Variants in WDR41 observed in about 807,000 individuals in gnomAD.
WDR41 encodes the protein WD repeat-containing protein 41.
WDR41 carries 63 observed loss-of-function variants against 69.3 expected under a neutral mutation model. The ratio of observed to expected loss-of-function variants is 0.91; its 90% CI spans 0.74 to 1.12. The LOEUF (loss-of-function observed/expected upper bound fraction) is 1.12. Among genes scored for constraint, WDR41 ranks in the 50% most tolerant of loss-of-function variants. The probability of loss-of-function intolerance (pLI) is 0.00; values close to 1 mark genes in which losing one functional copy is unlikely to be tolerated. For synonymous variants in WDR41, 185 were observed against 192.1 expected (o/e 0.96, Z 0.31); for missense variants, 543 against 534.5 (o/e 1.02, Z -0.16).
At chr5:77,434,774 CT>C (rs1223657957) in intron 12 of WDR41, among the ~76,000 whole-genome samples, 1 of 152,094 alleles carries the variant, frequency 6.6e-6, no homozygotes, top group Non-Finnish European at 1.5e-5. Flanking sequence ...GCTGGAGATG[CT>C]TTTTAAAAGT....
chr5:77,612,456 G>C (rs1328078793), intron 1 of WDR41, among the ~76,000 whole-genome samples: 1 of 152,114 alleles, frequency 6.6e-6, no homozygotes, highest in Non-Finnish European at 1.5e-5. Context: ...TGATCAAGTG[G>C]GCTTCATTCC....
chr5:77,441,113 T>TA, intron 8 of WDR41, 116 bp from the exon 9 acceptor site: 1 of 1,073,036 alleles, frequency 9.3e-7, no homozygotes, highest in Non-Finnish European at 1.3e-6. Context: ...AACAGTGAGG[T>TA]ACCTAGGCAA....
Position 77,450,278 on chromosome 5 carries a change from G to C in WDR41, c.587-408C>G, listed in dbSNP as rs1004304642. Among the ~76,000 whole-genome samples, 10 of 152,164 alleles carry C rather than the reference G, an allele frequency of 6.6e-5. 1 individual carries two copies. Among genetic ancestry groups the C allele is most frequent in the Admixed American group, 6.6e-4 (10 of 15,264 alleles). ...TCATGTAAGCATTGCGACAGAATAA[G>C]CTGCAAATCCAAGTTTAACTTCAAC... On this transcript the variant is annotated intron_variant, in intron 7 of 12. Coordinates refer to ENST00000296679, the MANE Select transcript of WDR41 (RefSeq NM_018268.4).
chr5:77,517,338 C>T (rs556200514), intron 1 of WDR41, among the ~76,000 whole-genome samples: 20 of 152,124 alleles, frequency 1.3e-4, no homozygotes, highest in Middle Eastern at 3.4e-3. Flanking sequence ...CAACTTCTAA[C>T]CAGAGCTTAC....
At chr5:77,529,554 T>A (rs1802496560) in intron 1 of WDR41, among the ~76,000 whole-genome samples, 1 of 151,638 alleles carries the variant, frequency 6.6e-6, no homozygotes, top group African/African-American at 2.4e-5. Flanking sequence ...AGTGCCAAGA[T>A]TAGCCAAGAC....
At chr5:77,540,863 G>A (rs1176120130) in intron 1 of WDR41, among the ~76,000 whole-genome samples, 7 of 152,148 alleles carry the variant, frequency 4.6e-5, no homozygotes, top group Admixed American at 4.6e-4. Flanking sequence ...ACTAATGAAG[G>A]TGATATTTTG....
intron 1 of WDR41, among the ~76,000 whole-genome samples, chr5:77,497,640 T>C (rs1298954824): frequency 6.6e-6 from 1 of 151,792 alleles, no homozygotes; most frequent in Non-Finnish European, 1.5e-5. Context: ...TCCTTGTGCA[T>C]CGTTAATAGA....
chr5:77,533,735 A>G (rs1212762604), intron 1 of WDR41, among the ~76,000 whole-genome samples: 1 of 152,164 alleles, frequency 6.6e-6, no homozygotes, highest in Non-Finnish European at 1.5e-5. Flanking sequence ...AAAATAATAT[A>G]CTAATATTGT....
In WDR41 at chr5:77,431,457, C is replaced by T. The variant is rs1381915860; in HGVS notation, c.*1678G>A. 1 of 152,066 alleles carries T rather than the reference C, an allele frequency of 6.6e-6. No individual in the cohort carries two copies. The highest frequency in any genetic ancestry group is 1.9e-4 in the East Asian group (1 of 5,190). 9.4% of individuals were successfully genotyped at this position (152,066 alleles called of 1,614,324 possible). On this transcript the variant is annotated 3_prime_UTR_variant, in exon 13 of 13. Coordinates refer to ENST00000296679, the MANE Select transcript of WDR41 (RefSeq NM_018268.4). The stretch of plus-strand genomic sequence containing the variant: ...ACAAGTTTTATAGGCACTGGGAAAC[C>T]AAAAACTAGATGTGACTCACTCTAT...
chr5:77,589,835 A>G (rs1267673760), intron 1 of WDR41, among the ~76,000 whole-genome samples: 1 of 152,162 alleles, frequency 6.6e-6, no homozygotes, highest in Non-Finnish European at 1.5e-5. Context: ...GCCATATAGC[A>G]CTAGCTAAGA....
intron 1 of WDR41, among the ~76,000 whole-genome samples, chr5:77,585,627 G>T (rs886544318): frequency 5.3e-5 from 8 of 152,142 alleles, no homozygotes; most frequent in African/African-American, 1.9e-4. Flanking sequence ...CATATACAAT[G>T]GAATACCACG....
intron 1 of WDR41, among the ~76,000 whole-genome samples, chr5:77,586,239 T>C (rs775063053): frequency 2.6e-5 from 4 of 152,136 alleles, no homozygotes; most frequent in Admixed American, 1.3e-4. Flanking sequence ...GGGTAAATTG[T>C]ATAGTCTGTT....
chr5:77,470,745 G>A (rs953422146), intron 2 of WDR41, among the ~76,000 whole-genome samples: 1 of 152,156 alleles, frequency 6.6e-6, no homozygotes, highest in African/African-American at 2.4e-5. Context: ...AAATATATAT[G>A]CACCCAATAC....
chr5:77,613,405 C>T (rs1744606670), intron 1 of WDR41, among the ~76,000 whole-genome samples: 1 of 152,132 alleles, frequency 6.6e-6, no homozygotes, highest in Non-Finnish European at 1.5e-5. Context: ...TACTACAAGG[C>T]TACAGTAACC....
At chr5:77,472,521 A>T (rs1241453619) in intron 2 of WDR41, among the ~76,000 whole-genome samples, 1 of 151,784 alleles carries the variant, frequency 6.6e-6, no homozygotes, top group Non-Finnish European at 1.5e-5. Context: ...ATATCTAGAA[A>T]ACCCCATTGT....
intron 2 of WDR41, among the ~76,000 whole-genome samples, chr5:77,487,131 T>C (rs1010147477): frequency 3.3e-5 from 5 of 152,242 alleles, no homozygotes; most frequent in Non-Finnish European, 7.3e-5. Flanking sequence ...GCAATGAACA[T>C]GATCTCTTAA....
rs1798704022 is a variant in WDR41 at position 77,431,054 on chromosome 5, T to A, written c.*2081A>T. 1 of 152,156 alleles carries A rather than the reference T, an allele frequency of 6.6e-6. No homozygotes were observed. The highest frequency in any genetic ancestry group is 6.5e-5 in the Admixed American group (1 of 15,274). The allele number at this position is 152,156 out of a possible 1,614,324, so 9.4% of individuals were successfully genotyped here. A position where few individuals can be genotyped will look rare whatever the true frequency, so the allele number is the denominator to read the frequency against. ...GAAGATGCTGTAAACATAGTTGAAA[T>A]GACAACAAAGGATTTAGAATATTCT... On this transcript the variant is annotated 3_prime_UTR_variant, in exon 13 of 13. Transcript: ENST00000296679.
intron 12 of WDR41, among the ~76,000 whole-genome samples, chr5:77,434,508 C>T (rs1489496270): frequency 3.3e-5 from 5 of 151,910 alleles, no homozygotes; most frequent in Non-Finnish European, 5.9e-5. Context: ...AAATGAGGAC[C>T]AGCCTGGCCA....
chr5:77,475,496 C>G (rs1051158784), intron 2 of WDR41, among the ~76,000 whole-genome samples: 3 of 152,226 alleles, frequency 2.0e-5, no homozygotes, highest in Non-Finnish European at 4.4e-5. Flanking sequence ...ACTGCCTCCT[C>G]AAGTGGGTCC....
Sources: allele counts gnomAD v4.1 joint callset (sites outside exome capture counted in the v4.1 genomes callset), GRCh38; gene constraint gnomAD v4.1.1; transcripts MANE v1.5; gene names NCBI Gene and HGNC (gene_info 2026-07-23, HGNC 2026-07-21).